Variants in AKAP19 observed in about 807,000 individuals in gnomAD.
AKAP19 encodes the protein A-kinase anchoring protein 19, also known as small A-kinase anchoring protein.
At chr2:190,000,132 C>T in the AKAP19 span, among the ~76,000 whole-genome samples, 3 of 152,102 alleles carry the variant, frequency 2.0e-5, no homozygotes, top group African/African-American at 4.8e-5. Context: ...AATGACTGTG[C>T]CATTGGATGA....
chr2:189,966,989 C>G, the AKAP19 span, among the ~76,000 whole-genome samples: 5 of 152,140 alleles, frequency 3.3e-5, no homozygotes, highest in Admixed American at 1.3e-4. Context: ...CATTAAATTG[C>G]AATTTCCCTT....
the AKAP19 span, among the ~76,000 whole-genome samples, chr2:190,120,986 G>A: frequency 3.9e-5 from 6 of 151,934 alleles, no homozygotes; most frequent in African/African-American, 1.5e-4. Flanking sequence ...ATTACCAGCT[G>A]CTTATTCTTT....
At chr2:190,078,032 T>C in the AKAP19 span, among the ~76,000 whole-genome samples, 1 of 152,142 alleles carries the variant, frequency 6.6e-6, no homozygotes, top group Non-Finnish European at 1.5e-5. Context: ...TTTCTTTCAT[T>C]CTATTCATTT....
At chr2:190,166,960 T>G in the AKAP19 span, among the ~76,000 whole-genome samples, 13,636 of 152,246 alleles carry the variant, frequency 0.09, 683 homozygotes, top group Middle Eastern at 0.13. Flanking sequence ...ATTATTTATT[T>G]GATGGAACAT....
chr2:189,975,859 C>G, the AKAP19 span, among the ~76,000 whole-genome samples: 282 of 152,240 alleles, frequency 1.9e-3, 1 homozygote, highest in Non-Finnish European at 2.3e-3. Context: ...CTTCTGTACA[C>G]TGGTTATTCT....
the AKAP19 span, among the ~76,000 whole-genome samples, chr2:189,949,725 G>A: frequency 2.8e-4 from 41 of 146,430 alleles, no homozygotes; most frequent in Admixed American, 1.8e-3. Flanking sequence ...TCCGCCTCCC[G>A]GGTTAAAGTG....
At chr2:190,192,416 C>T in the AKAP19 span, among the ~76,000 whole-genome samples, 2 of 149,724 alleles carry the variant, frequency 1.3e-5, no homozygotes, top group South Asian at 4.2e-4. Flanking sequence ...ATTGTTTTGG[C>T]CATTCTAGTT....
At chr2:190,118,411 C>CA in the AKAP19 span, among the ~76,000 whole-genome samples, 1 of 151,980 alleles carries the variant, frequency 6.6e-6, no homozygotes, top group Non-Finnish European at 1.5e-5. Context: ...AGAGACACAA[C>CA]AAAAAAAGAG....
the AKAP19 span, among the ~76,000 whole-genome samples, chr2:189,886,673 A>T: frequency 6.6e-6 from 1 of 152,202 alleles, no homozygotes; most frequent in Admixed American, 6.5e-5. Context: ...ATGGCACTTG[A>T]GCTCAGCAAT....
chr2:189,968,951 T>C, the AKAP19 span, among the ~76,000 whole-genome samples: 2,426 of 152,140 alleles, frequency 0.016, 66 homozygotes, highest in African/African-American at 0.055. Flanking sequence ...AATACTAATA[T>C]CTAAATAGGA....
the AKAP19 span, among the ~76,000 whole-genome samples, chr2:189,913,712 A>G: frequency 3.9e-4 from 59 of 152,264 alleles, no homozygotes; most frequent in South Asian, 4.4e-3. Context: ...GTGTTACCTC[A>G]TAATTTTGAT....
At chr2:190,108,783 G>GTTTT in the AKAP19 span, among the ~76,000 whole-genome samples, 1 of 135,686 alleles carries the variant, frequency 7.4e-6, no homozygotes, top group Non-Finnish European at 1.6e-5. Flanking sequence ...CCTGTTTGCG[G>GTTTT]TTTTTTTTTT....
chr2:190,121,319 C>T, the AKAP19 span, among the ~76,000 whole-genome samples: 1 of 151,918 alleles, frequency 6.6e-6, no homozygotes, highest in East Asian at 1.9e-4. Flanking sequence ...CTCTATGTTG[C>T]CCAGGCTGGT....
chr2:189,910,458 C>G, the AKAP19 span, among the ~76,000 whole-genome samples: 1 of 151,878 alleles, frequency 6.6e-6, no homozygotes, highest in South Asian at 2.1e-4. Flanking sequence ...TGAATATGGT[C>G]AGGCCAAACT....
the AKAP19 span, among the ~76,000 whole-genome samples, chr2:189,958,603 C>T: frequency 6.7e-6 from 1 of 150,160 alleles, no homozygotes; most frequent in African/African-American, 2.4e-5. Context: ...CAGACACACA[C>T]ACACATCCAT....
chr2:190,039,022 CTCT>C, the AKAP19 span, among the ~76,000 whole-genome samples: 7,800 of 102,862 alleles, frequency 0.076, 849 homozygotes, highest in African/African-American at 0.3. Flanking sequence ...CTTCCTCTTC[CTCT>C]TCTTCCTCTT....
chr2:189,966,167 T>C, the AKAP19 span, among the ~76,000 whole-genome samples: 2 of 145,782 alleles, frequency 1.4e-5, no homozygotes, highest in African/African-American at 5.1e-5. Context: ...AATGATACAA[T>C]GGACTTTGGG....
chr2:190,011,449 G>C, the AKAP19 span, among the ~76,000 whole-genome samples: 5 of 152,190 alleles, frequency 3.3e-5, no homozygotes, highest in African/African-American at 4.8e-5. Context: ...AATTTTTTCT[G>C]TCTGTTTTTG....
chr2:189,998,111 C>T, the AKAP19 span, among the ~76,000 whole-genome samples: 3 of 152,100 alleles, frequency 2.0e-5, no homozygotes, highest in African/African-American at 4.8e-5. Flanking sequence ...GTAAGATTTC[C>T]CCCTTTCATA....
Sources: gnomAD v4.1 joint callset for allele counts (sites outside exome capture counted in the v4.1 genomes callset) on GRCh38, gnomAD v4.1.1 for gene constraint, MANE v1.5 for transcripts, NCBI Gene and HGNC (gene_info 2026-07-23, HGNC 2026-07-21) for gene names.